The following PRKAA2 variants were observed in gnomAD, a reference collection of about 807,000 sequenced individuals.
PRKAA2 encodes 5'-AMP-activated protein kinase catalytic subunit alpha-2.
A neutral mutation model predicts 56.3 loss-of-function variants in PRKAA2; 40 were observed. That is an observed-to-expected ratio of 0.71 (90% CI 0.55 to 0.92). PRKAA2 has a LOEUF of 0.92. Ranked by LOEUF, PRKAA2 falls within the 40% of genes least tolerant of loss-of-function variation. The probability of loss-of-function intolerance (pLI) is 0.00; values close to 1 mark genes in which losing one functional copy is unlikely to be tolerated. For missense variants in PRKAA2, 542 were observed against 686.9 expected (o/e 0.79, Z 2.36); for synonymous variants, 214 against 234.2 (o/e 0.91, Z 0.79).
chr1:56,654,342 C>T (rs1643925212), intron 1 of PRKAA2, among the ~76,000 whole-genome samples: 1 of 152,078 alleles, frequency 6.6e-6, no homozygotes, highest in Non-Finnish European at 1.5e-5. Flanking sequence ...AATAATACCA[C>T]CCCATTTATT....
intron 1 of PRKAA2, among the ~76,000 whole-genome samples, chr1:56,649,476 G>T (rs1397981905): frequency 6.6e-6 from 1 of 152,152 alleles, no homozygotes; most frequent in Non-Finnish European, 1.5e-5. Flanking sequence ...GAGCCCAGGG[G>T]TTCAAGACCA....
rs1644358056 is a variant in PRKAA2, at chr1:56,709,871, A to G, written c.*2158A>G. On this transcript the variant is annotated 3_prime_UTR_variant, in exon 9 of 9. Transcript: ENST00000371244. ...TTACTGTTTTCTAATTCTTGCCAGT[A>G]TTTATGAACAGCTGTAGCTTGATAT... 1.3e-5 allele frequency: 2 copies of G among 152,122 alleles called. No individual in the cohort carries two copies. Among genetic ancestry groups the G allele is most frequent in the Non-Finnish European group, 2.9e-5 (2 of 67,986 alleles). 9.4% of individuals were successfully genotyped at this position (152,122 alleles called of 1,614,324 possible). A position where few individuals can be genotyped will look rare whatever the true frequency, so the allele number is the denominator to read the frequency against.
At chr1:56,684,577 G>T (rs771930783) in intron 2 of PRKAA2, among the ~76,000 whole-genome samples, 1 of 152,074 alleles carries the variant, frequency 6.6e-6, no homozygotes, top group Non-Finnish European at 1.5e-5. Context: ...TAGGGGAATC[G>T]GGTATCTTGA....
intron 6 of PRKAA2, among the ~76,000 whole-genome samples, chr1:56,701,880 C>T (rs1012732733): frequency 4.7e-5 from 7 of 150,288 alleles, no homozygotes; most frequent in African/African-American, 1.7e-4. Context: ...GGTGACTGAG[C>T]GAGACTCTGT....
chr1:56,657,237 A>G (rs1417745040), intron 1 of PRKAA2, among the ~76,000 whole-genome samples: 5 of 152,220 alleles, frequency 3.3e-5, no homozygotes, highest in Non-Finnish European at 7.3e-5. Flanking sequence ...GAAGTGTATT[A>G]TCTTCAAAGG....
At chr1:56,680,051 A>G (rs891782206) in intron 2 of PRKAA2, among the ~76,000 whole-genome samples, 10 of 152,174 alleles carry the variant, frequency 6.6e-5, no homozygotes, top group Admixed American at 2.0e-4. Flanking sequence ...GTTATCTGTA[A>G]GGCTTCTGCT....
At chr1:56,663,962 A>T (rs188645382) in intron 1 of PRKAA2, among the ~76,000 whole-genome samples, 2 of 152,208 alleles carry the variant, frequency 1.3e-5, no homozygotes, top group Middle Eastern at 3.4e-3. Flanking sequence ...AGCTGAGCAT[A>T]GTGGTGCACG....
At chr1:56,678,909 T>A (rs558664264) in intron 2 of PRKAA2, among the ~76,000 whole-genome samples, 49 of 152,290 alleles carry the variant, frequency 3.2e-4, no homozygotes, top group Admixed American at 2.5e-3. Flanking sequence ...TTGGCCAGGA[T>A]GGCCTTGATC....
At chr1:56,677,010 A>C (rs1460947354) in intron 2 of PRKAA2, among the ~76,000 whole-genome samples, 1 of 152,234 alleles carries the variant, frequency 6.6e-6, no homozygotes, top group Non-Finnish European at 1.5e-5. Flanking sequence ...GTTATCATCC[A>C]GGACCTATGT....
intron 2 of PRKAA2, among the ~76,000 whole-genome samples, chr1:56,688,133 C>T (rs1189593029): frequency 6.6e-6 from 1 of 152,120 alleles, no homozygotes; most frequent in Non-Finnish European, 1.5e-5. Flanking sequence ...CTGGAATTTG[C>T]CTTTTCCACT....
chr1:56,647,468 A>C (rs934389268), intron 1 of PRKAA2, among the ~76,000 whole-genome samples: 1 of 152,234 alleles, frequency 6.6e-6, no homozygotes, highest in Non-Finnish European at 1.5e-5. Flanking sequence ...AGACAACTTA[A>C]ATCTCTTGTA....
At chr1:56,645,516 G>T (rs376649966) in intron 1 of PRKAA2, 35 bp downstream of exon 1, 2 of 1,439,274 alleles carry the variant, frequency 1.4e-6, no homozygotes, top group African/African-American at 1.5e-5. Flanking sequence ...GTGCGGGGCT[G>T]CCTGACTTGC....
intron 1 of PRKAA2, among the ~76,000 whole-genome samples, chr1:56,666,974 C>G (rs1260993993): frequency 6.6e-6 from 1 of 152,146 alleles, no homozygotes; most frequent in Non-Finnish European, 1.5e-5. Context: ...CCAACACCAT[C>G]GTACAAAATT....
intron 1 of PRKAA2, among the ~76,000 whole-genome samples, chr1:56,671,166 C>T (rs1289517305): frequency 6.6e-6 from 1 of 152,062 alleles, no homozygotes; most frequent in Non-Finnish European, 1.5e-5. Flanking sequence ...GTATTTATTA[C>T]AAGATTTTCA....
At chr1:56,646,628 A>C (rs966237764) in intron 1 of PRKAA2, among the ~76,000 whole-genome samples, 1 of 152,218 alleles carries the variant, frequency 6.6e-6, no homozygotes, top group African/African-American at 2.4e-5. Flanking sequence ...CAGAATTATA[A>C]GTGAAATATT....
chr1:56,658,117 G>T (rs1023987686), intron 1 of PRKAA2, among the ~76,000 whole-genome samples: 2 of 152,156 alleles, frequency 1.3e-5, no homozygotes, highest in African/African-American at 4.8e-5. Context: ...GATGCATGTT[G>T]TAATATCTGG....
At chr1:56,660,669 G>C (rs1643987126) in intron 1 of PRKAA2, among the ~76,000 whole-genome samples, 2 of 151,980 alleles carry the variant, frequency 1.3e-5, no homozygotes, top group South Asian at 4.1e-4. Context: ...ATTATTGAAG[G>C]GTAAAATTAT....
chr1:56,709,362 T>TTCTTAATATCC lies in PRKAA2; in HGVS notation c.*1649_*1650insTCTTAATATCC, dbSNP rs1477458789. 6.6e-6 allele frequency: 1 copy of TTCTTAATATCC among 152,200 alleles called. No individual in the cohort carries two copies. The highest frequency in any genetic ancestry group is 1.5e-5 in the Non-Finnish European group (1 of 68,036). The allele number at this position is 152,200 out of a possible 1,614,324, so 9.4% of individuals were successfully genotyped here. A position where few individuals can be genotyped will look rare whatever the true frequency, so the allele number is the denominator to read the frequency against. On this transcript the variant is annotated 3_prime_UTR_variant, in exon 9 of 9. Coordinates refer to ENST00000371244, the MANE Select transcript of PRKAA2 (RefSeq NM_006252.4). ...AGATCTTTTAAAAACTGATGTTAAA[T>TTCTTAATATCC]AACTTATAAGTCCAACTTCTTAATA...
At chr1:56,660,747 G>GT (rs1442775674) in intron 1 of PRKAA2, among the ~76,000 whole-genome samples, 1 of 152,118 alleles carries the variant, frequency 6.6e-6, no homozygotes, top group Non-Finnish European at 1.5e-5. Context: ...CTAATTTCCA[G>GT]TTTGCTCACT....
Sources: allele counts gnomAD v4.1 joint callset (sites outside exome capture counted in the v4.1 genomes callset), GRCh38; gene constraint gnomAD v4.1.1; transcripts MANE v1.5; gene names NCBI Gene and HGNC (gene_info 2026-07-23, HGNC 2026-07-21).